The following MANBAL variants were observed in gnomAD, a reference collection of about 807,000 sequenced individuals.
MANBAL encodes mannosidase beta like.
A neutral mutation model predicts 6.4 loss-of-function variants in MANBAL; 1 was observed. The observed-to-expected ratio is 0.16, with a 90% CI of 0.06 to 0.74. The LOEUF (loss-of-function observed/expected upper bound fraction) is 0.74. Among genes scored for constraint, MANBAL ranks in the 30% least tolerant of loss-of-function variants. MANBAL has a pLI of 0.78. For synonymous variants in MANBAL, 47 were observed against 45.8 expected (o/e 1.03, Z -0.10); for missense variants, 100 against 107.8 (o/e 0.93, Z 0.32).
intron 2 of MANBAL, among the ~76,000 whole-genome samples, chr20:37,304,210 G>A (rs1042312889): frequency 6.6e-6 from 1 of 152,044 alleles, no homozygotes; most frequent in Non-Finnish European, 1.5e-5. Context: ...ATTTTTCTCT[G>A]TGTAGGTCTC....
chr20:37,302,512 C>T (rs1303186429), intron 2 of MANBAL, among the ~76,000 whole-genome samples: 1 of 152,158 alleles, frequency 6.6e-6, no homozygotes, highest in African/African-American at 2.4e-5. Context: ...CATTGATGGT[C>T]GTTGCTTAGA....
At chr20:37,308,506 C>T (rs2069310039) in intron 2 of MANBAL, among the ~76,000 whole-genome samples, 1 of 152,146 alleles carries the variant, frequency 6.6e-6, no homozygotes, top group African/African-American at 2.4e-5. Context: ...AGAAAGTTCT[C>T]AATAGGGAGT....
chr20:37,308,110 C>G (rs971888107), intron 2 of MANBAL, among the ~76,000 whole-genome samples: 3 of 152,304 alleles, frequency 2.0e-5, no homozygotes, highest in Admixed American at 6.5e-5. Context: ...AGCACAGCCA[C>G]TAAACACAAC....
intron 1 of MANBAL, among the ~76,000 whole-genome samples, chr20:37,291,869 A>G (rs1274354330): frequency 7.2e-5 from 11 of 152,080 alleles, no homozygotes; most frequent in Admixed American, 5.2e-4. Context: ...TGTGAGGCCT[A>G]CCCACCCATG....
intron 1 of MANBAL, among the ~76,000 whole-genome samples, chr20:37,300,900 T>C (rs1036161209): frequency 6.6e-6 from 1 of 152,170 alleles, no homozygotes; most frequent in Non-Finnish European, 1.5e-5. Flanking sequence ...CCCAGCACTT[T>C]GGGAGGCTGA....
intron 2 of MANBAL, among the ~76,000 whole-genome samples, chr20:37,301,731 A>G (rs900462634): frequency 6.6e-6 from 1 of 152,218 alleles, no homozygotes; most frequent in South Asian, 2.1e-4. Context: ...TCCCATGAGA[A>G]GTACAGAGTC....
chr20:37,302,789 A>C (rs1329012427), intron 2 of MANBAL, among the ~76,000 whole-genome samples: 1 of 150,222 alleles, frequency 6.7e-6, no homozygotes, highest in Non-Finnish European at 1.5e-5. Context: ...GAGGGCACTT[A>C]TCTGCCATTA....
intron 1 of MANBAL, among the ~76,000 whole-genome samples, chr20:37,291,873 A>C (rs532583054): frequency 6.6e-6 from 1 of 151,970 alleles, no homozygotes; most frequent in African/African-American, 2.4e-5. Flanking sequence ...AGGCCTACCC[A>C]CCCATGTGGA....
rs547525525 is a variant in MANBAL at position 37,313,616 on chromosome 20, G to A, written c.151-2692G>A. ...AGCTACTCAGGAGGCTGAGGCAGGA[G>A]AATCACTTGAACCTGGAAGGCGGAG... On this transcript the variant is annotated intron_variant, in intron 2 of 2. Transcript: ENST00000373606. Among the ~76,000 whole-genome samples the A allele has an allele frequency of 1.4e-4, 22 of 151,976 alleles. No homozygotes were observed. In the South Asian group the frequency reaches 4.2e-3, roughly 29 times the overall value.
chr20:37,300,902 G>T (rs2069118273), intron 1 of MANBAL, among the ~76,000 whole-genome samples: 1 of 152,100 alleles, frequency 6.6e-6, no homozygotes, highest in Non-Finnish European at 1.5e-5. Context: ...CAGCACTTTG[G>T]GAGGCTGAGG....
intron 1 of MANBAL, among the ~76,000 whole-genome samples, chr20:37,298,576 C>T (rs767156002): frequency 5.3e-5 from 8 of 152,126 alleles, no homozygotes; most frequent in Non-Finnish European, 7.4e-5. Flanking sequence ...TAGCATGTAT[C>T]AGAATTTCAT....
intron 2 of MANBAL, among the ~76,000 whole-genome samples, chr20:37,308,373 A>C (rs1372412899): frequency 6.6e-6 from 1 of 152,142 alleles, no homozygotes; most frequent in Non-Finnish European, 1.5e-5. Context: ...CCTGAAGTCC[A>C]CCGAGTGGTT....
rs2069519224 is a variant in MANBAL at position 37,316,386 on chromosome 20, C to T, written c.229C>T (p.Pro77Ser). The T allele has an allele frequency of 1.2e-6, 2 of 1,613,594 alleles. No homozygotes were observed. The highest frequency in any genetic ancestry group is 2.7e-5 in the African/African-American group (2 of 74,898). The stretch of plus-strand genomic sequence containing the variant: ...TGCTGTTCCTTCTGTGAACAAGAGG[C>T]CCAAGAAAGAGACTAAGAAGAAGCG... Reference protein sequence around the residue: ...KAAVPSVNKRPKKETKKKR With the variant: ...KAAVPSVNKRSKKETKKKR The change falls in exon 3 of 3, where the codon CCC becomes TCC. Residue 77 changes from proline (P) to serine (S), a missense_variant. Transcript: ENST00000373606.
chr20:37,300,800 C>T (rs1474048262), intron 1 of MANBAL, among the ~76,000 whole-genome samples: 1 of 152,104 alleles, frequency 6.6e-6, no homozygotes, highest in Non-Finnish European at 1.5e-5. Context: ...GTTAACATTT[C>T]ACAATTCCTG....
chr20:37,301,172 T>C, intron 1 of MANBAL, 36 bp from the exon 2 acceptor site: 1 of 1,096,222 alleles, frequency 9.1e-7, no homozygotes, highest in Non-Finnish European at 1.2e-6. Context: ...AAATGTCAGT[T>C]ACAGAAATAT....
intron 1 of MANBAL, among the ~76,000 whole-genome samples, chr20:37,290,710 C>T (rs2068847154): frequency 6.6e-6 from 1 of 152,198 alleles, no homozygotes; most frequent in Non-Finnish European, 1.5e-5. Flanking sequence ...CCACCCGCCT[C>T]GGCCTCCCAG....
chr20:37,312,159 A>T (rs995023093), intron 2 of MANBAL, among the ~76,000 whole-genome samples: 2 of 152,200 alleles, frequency 1.3e-5, no homozygotes, highest in African/African-American at 4.8e-5. Flanking sequence ...GATAACTGTA[A>T]TATGTACACA....
At chr20:37,305,309 A>G (rs80269388) in intron 2 of MANBAL, among the ~76,000 whole-genome samples, 2 of 152,260 alleles carry the variant, frequency 1.3e-5, no homozygotes, top group Admixed American at 6.5e-5. Flanking sequence ...TTATAGGCAG[A>G]GGTGTGTGGC....
rs759378066 is a variant in MANBAL at position 37,301,240 on chromosome 20, G to A, written c.-24G>A. ...TAAAGAGTGGTGAGTCAGAAGAGAC[G>A]TCAGGCAGCAAGCGACTTGGGCCAT... On this transcript the variant is annotated 5_prime_UTR_variant, in exon 2 of 3. Coordinates refer to ENST00000373606, the MANE Select transcript of MANBAL (RefSeq NM_001003897.2). 5.7e-6 allele frequency: 9 copies of A among 1,568,694 alleles called. No homozygotes were observed. The highest frequency in any genetic ancestry group is 2.4e-5 in the South Asian group (2 of 84,414).
Sources: gnomAD v4.1 joint callset for allele counts (sites outside exome capture counted in the v4.1 genomes callset) on GRCh38, gnomAD v4.1.1 for gene constraint, MANE v1.5 for transcripts, NCBI Gene and HGNC (gene_info 2026-07-23, HGNC 2026-07-21) for gene names.